The following WDR49 variants were observed in gnomAD, a reference collection of about 807,000 sequenced individuals.
The protein encoded by WDR49 is WD repeat domain 49.
A neutral mutation model predicts 119.5 loss-of-function variants in WDR49; 107 were observed. The observed-to-expected ratio is 0.90, with a 90% CI of 0.77 to 1.05. The LOEUF is 1.05. Among genes scored for constraint, WDR49 ranks in the 50% least tolerant of loss-of-function variants. The probability of loss-of-function intolerance (pLI) is 0.00; values close to 1 mark genes in which losing one functional copy is unlikely to be tolerated. For synonymous variants in WDR49, 425 were observed against 418.8 expected, an observed-to-expected ratio of 1.01 and a Z score of -0.18; for missense variants, 1,240 against 1,220.5, an observed-to-expected ratio of 1.02 and a Z score of -0.24.
chr3:167,491,516 TC>T (rs1751131540), intron 18 of WDR49, among the ~76,000 whole-genome samples: 2 of 152,142 alleles, frequency 1.3e-5, no homozygotes, highest in African/African-American at 4.8e-5. Context: ...TTTGAGATGT[TC>T]CTGTTTAATG....
At chr3:167,517,221 T>A (rs146973327) in intron 16 of WDR49, among the ~76,000 whole-genome samples, 201 of 152,200 alleles carry the variant, frequency 1.3e-3, no homozygotes, top group African/African-American at 4.6e-3. Flanking sequence ...AAAACAATGC[T>A]AACCAAAAAG....
chr3:167,617,678 A>G (rs1483772566), intron 5 of WDR49, among the ~76,000 whole-genome samples: 1 of 152,104 alleles, frequency 6.6e-6, no homozygotes, highest in Non-Finnish European at 1.5e-5. Flanking sequence ...CCAGGTGGGG[A>G]TCTGTAATCT....
intron 11 of WDR49, among the ~76,000 whole-genome samples, chr3:167,533,741 T>A (rs954466282): frequency 1.3e-5 from 2 of 152,014 alleles, no homozygotes; most frequent in Admixed American, 1.3e-4. Flanking sequence ...TGAGCAACCA[T>A]GTCCTGTGGA....
intron 8 of WDR49, among the ~76,000 whole-genome samples, chr3:167,573,391 TACACACACACACACAC>T (rs57955643): frequency 1.4e-5 from 2 of 142,276 alleles, no homozygotes; most frequent in Admixed American, 7.1e-5. Context: ...TTATGTGGAA[TACACACACACACACAC>T]ACACACACAC....
intron 5 of WDR49, among the ~76,000 whole-genome samples, chr3:167,618,995 A>G (rs1716731285): frequency 6.6e-6 from 1 of 152,172 alleles, no homozygotes; most frequent in African/African-American, 2.4e-5. Flanking sequence ...AACATGAAGA[A>G]TATATAGATA....
chr3:167,499,640 A>C (rs1008228245), intron 18 of WDR49, among the ~76,000 whole-genome samples: 5 of 152,178 alleles, frequency 3.3e-5, no homozygotes, highest in Admixed American at 2.0e-4. Context: ...TTGTTTCTAT[A>C]TCTTTAGGGA....
In WDR49 at chr3:167,532,880, T is replaced by G; in HGVS notation, c.2052A>C (p.Leu684Phe). 1 of 1,607,852 alleles carries G rather than the reference T, an allele frequency of 6.2e-7. No homozygotes were observed. Among genetic ancestry groups the G allele is most frequent in the Non-Finnish European group, 8.5e-7 (1 of 1,176,002 alleles). The stretch of plus-strand genomic sequence containing the variant: ...TTTTCGTTTCAAACTCACACTTACC[T>G]AATTTTGACTTTAGCAACCTCTGGT... The part of the protein sequence containing the change: ...PDYQRLLKSK[L>F]DTKPQKLLSA... Residue 684 changes from leucine to phenylalanine, a missense_variant and splice_region_variant, in exon 12 of 19, where the codon TTA becomes TTC. Transcript: ENST00000682715.
chr3:167,625,670 G>A (rs1717099237), intron 3 of WDR49, among the ~76,000 whole-genome samples: 1 of 151,916 alleles, frequency 6.6e-6, no homozygotes, highest in African/African-American at 2.4e-5. Context: ...AACATCTCAG[G>A]AAGAGGAAGA....
chr3:167,530,289 A>G lies in WDR49; in HGVS notation c.2218+826T>C, dbSNP rs1363153575. 2.6e-5 allele frequency among the ~76,000 whole-genome samples: 4 copies of G among 152,208 alleles called. No homozygotes were observed. The East Asian group carries it at 7.7e-4, about 29-fold the overall frequency. On this transcript the variant is annotated intron_variant, in intron 13 of 18. Coordinates refer to ENST00000682715, the MANE Select transcript of WDR49 (RefSeq NM_001366157.1). The stretch of plus-strand genomic sequence containing the variant: ...ATATGTTCATTTCCTTTTCAAATAC[A>G]TAATACATATATGTCTAGTTCCTAA...
intron 11 of WDR49, among the ~76,000 whole-genome samples, chr3:167,535,821 T>C (rs963602295): frequency 1.3e-5 from 2 of 151,994 alleles, no homozygotes; most frequent in African/African-American, 2.4e-5. Flanking sequence ...AGCCAAGATA[T>C]AAAATCAACT....
At chr3:167,598,909 CT>C (rs1388742075) in intron 7 of WDR49, among the ~76,000 whole-genome samples, 1 of 152,286 alleles carries the variant, frequency 6.6e-6, no homozygotes, top group East Asian at 1.9e-4. Flanking sequence ...CTCTTATTCT[CT>C]CACCTTACTT....
intron 7 of WDR49, among the ~76,000 whole-genome samples, chr3:167,580,747 T>A (rs1289241984): frequency 6.6e-6 from 1 of 152,172 alleles, no homozygotes; most frequent in African/African-American, 2.4e-5. Flanking sequence ...AAATATCTAG[T>A]TATTATCTGA....
intron 3 of WDR49, among the ~76,000 whole-genome samples, chr3:167,626,594 T>C (rs1717136382): frequency 6.6e-6 from 1 of 152,050 alleles, no homozygotes; most frequent in South Asian, 2.1e-4. Context: ...AGTCCTGCTG[T>C]AAACTATACA....
At chr3:167,539,547 C>T (rs1711662966) in intron 10 of WDR49, among the ~76,000 whole-genome samples, 1 of 152,150 alleles carries the variant, frequency 6.6e-6, no homozygotes, top group Non-Finnish European at 1.5e-5. Context: ...TAATGTTATA[C>T]AGTTTCAGCT....
chr3:167,599,520 T>C (rs1715656658), intron 7 of WDR49, among the ~76,000 whole-genome samples: 1 of 152,232 alleles, frequency 6.6e-6, no homozygotes, highest in African/African-American at 2.4e-5. Context: ...CAAGAAATGC[T>C]GTCCAAGGGC....
chr3:167,488,243 CA>C (rs1751001089), intron 18 of WDR49, among the ~76,000 whole-genome samples: 1 of 150,394 alleles, frequency 6.6e-6, no homozygotes, highest in South Asian at 2.1e-4. Context: ...TCTTTTGCAG[CA>C]ATACTGATGA....
intron 2 of WDR49, among the ~76,000 whole-genome samples, chr3:167,635,083 A>G (rs931315716): frequency 6.6e-6 from 1 of 151,758 alleles, no homozygotes; most frequent in Non-Finnish European, 1.5e-5. Flanking sequence ...TAAAAATTTC[A>G]ATTATTCCCA....
chr3:167,496,460 G>A (rs527994755), intron 18 of WDR49, among the ~76,000 whole-genome samples: 3 of 151,058 alleles, frequency 2.0e-5, no homozygotes, highest in African/African-American at 7.3e-5. Flanking sequence ...ATCATCCCCC[G>A]CTATTTTTTT....
chr3:167,577,657 T>C (rs958480737), intron 7 of WDR49, among the ~76,000 whole-genome samples: 3 of 152,174 alleles, frequency 2.0e-5, no homozygotes, highest in Admixed American at 1.3e-4. Flanking sequence ...CTTATTATTA[T>C]GTCTATTTTA....
Sources: gnomAD v4.1 joint callset for allele counts (sites outside exome capture counted in the v4.1 genomes callset) on GRCh38, gnomAD v4.1.1 for gene constraint, MANE v1.5 for transcripts, NCBI Gene and HGNC (gene_info 2026-07-23, HGNC 2026-07-21) for gene names.